DHX33: variants seen among roughly 807,000 people sequenced by gnomAD.
DHX33 encodes ATP-dependent RNA helicase DHX33.
DHX33 carries 42 observed loss-of-function variants against 72.5 expected under a neutral mutation model. The ratio of observed to expected loss-of-function variants is 0.58; its 90% CI spans 0.45 to 0.75. The LOEUF (loss-of-function observed/expected upper bound fraction) is 0.75, where lower values mean the gene tolerates loss of function less well. Ranked by LOEUF, DHX33 falls within the 30% of genes least tolerant of loss-of-function variation. The pLI is 0.00. For missense variants in DHX33, 842 were observed against 917.5 expected, an observed-to-expected ratio of 0.92 and a Z score of 1.06; for synonymous variants, 358 against 366.1, an observed-to-expected ratio of 0.98 and a Z score of 0.25.
At position 5,444,430 on chromosome 17, in the gene DHX33, G is replaced by A. The variant is rs768996211; in HGVS notation, c.1899C>T (p.Ala633=). 4.6e-5 allele frequency: 75 copies of A among 1,614,092 alleles called. No homozygotes were observed. The South Asian group carries it at 7.0e-4, about 15-fold the overall frequency. The part of the protein sequence containing the change: ...CLAHSLFMST[A]ELQPDGTYAT... ...CATAGGTGCCATCTGGCTGAAGCTC[G>A]GCGGTGCTCATGAAGAGGCTGTGAG... The change falls in exon 12 of 12, where the codon GCC becomes GCT. Residue 633 remains alanine (A), a synonymous_variant. Transcript: ENST00000225296. The surrounding 1 kb of genome is among the most constrained non-coding windows in gnomAD (Gnocchi z 4.9).
rs557563074 is a variant in DHX33 at position 5,468,487 on chromosome 17, G to A, written c.289+84C>T. On this transcript the variant is annotated intron_variant, in intron 1 of 11. Transcript: ENST00000225296. ...AGGTTTGTTGAAGCCACGAACGAAA[G>A]GGATTGAGAGGCATGTAAGAAAAAC... The A allele has an allele frequency of 6.4e-5, 95 of 1,474,232 alleles. No individual in the cohort carries two copies. In the African/African-American group the frequency reaches 1.2e-3, roughly 19 times the overall value. The allele number at this position is 1,474,232 out of a possible 1,614,324, so 91.3% of individuals were successfully genotyped here.
chr17:5,459,191 C>T (rs1408796449), intron 4 of DHX33, among the ~76,000 whole-genome samples: 1 of 151,980 alleles, frequency 6.6e-6, no homozygotes, highest in Admixed American at 6.6e-5. Flanking sequence ...AGAATGAGAC[C>T]CCGTCTCTAA....
intron 4 of DHX33, among the ~76,000 whole-genome samples, chr17:5,458,961 G>A (rs1904457024): frequency 6.6e-6 from 1 of 152,136 alleles, no homozygotes; most frequent in Admixed American, 6.5e-5. Flanking sequence ...GCTTTGGGAG[G>A]CTGAGTCGGG....
At chr17:5,467,025 G>A (rs887680517) in intron 1 of DHX33, among the ~76,000 whole-genome samples, 2 of 152,174 alleles carry the variant, frequency 1.3e-5, no homozygotes, top group Non-Finnish European at 2.9e-5. Context: ...GGCCAGGTGC[G>A]GTGGCTCACG....
intron 10 of DHX33, 122 bp from the exon 11 acceptor site, chr17:5,449,017 C>G (rs1916778942): frequency 1.7e-6 from 1 of 589,870 alleles, no homozygotes; most frequent in African/African-American, 1.9e-5. Context: ...TCACTGCAAA[C>G]CAATCCTCCC....
Position 5,444,376 on chromosome 17 carries a change from G to A in DHX33, c.1953C>T (p.Ala651=), listed in dbSNP as rs142896224. ...GGAAGAGGACAGACGACGGGTGGAT[G>A]GCCACTGGCTGGTGGGTGTCCGTGG... The part of the protein sequence containing the change: ...YATTDTHQPV[A]IHPSSVLFHC... The change falls in exon 12 of 12, where the codon GCC becomes GCT. Residue 651 remains alanine (A), a synonymous_variant. Transcript: ENST00000225296. This position sits in a 1 kb window ranked among gnomAD's most constrained non-coding sequence, Gnocchi z 4.9. 4.1e-4 allele frequency: 654 copies of A among 1,614,126 alleles called. No homozygotes were observed. Among genetic ancestry groups the A allele is most frequent in the Non-Finnish European group, 5.4e-4 (633 of 1,180,052 alleles).
Position 5,463,652 on chromosome 17 carries a change from C to A in DHX33, c.327G>T (p.Gln109His). 1 of 1,613,182 alleles carries A rather than the reference C, an allele frequency of 6.2e-7. No individual in the cohort carries two copies. Among genetic ancestry groups the A allele is most frequent in the Non-Finnish European group, 8.5e-7 (1 of 1,179,738 alleles). The change falls in exon 2 of 12, where the codon CAG becomes CAT. Residue 109 changes from glutamine to histidine, a missense_variant. Physicochemically the swap from Gln to His is conservative, Grantham distance 24. Transcript: ENST00000225296. ...TGSGKTTQIP[Q>H]YLYEGGISRQ... ...GGCTGATCCCTCCTTCATACAGGTA[C>A]TGAGGGATCTGAGTTGTCTTCCCAG...
At chr17:5,449,011 T>C in intron 10 of DHX33, 116 bp from the exon 11 acceptor site, 1 of 642,978 alleles carries the variant, frequency 1.6e-6, no homozygotes, top group South Asian at 2.3e-5. Flanking sequence ...CATAGCTCAC[T>C]GCAAACCAAT....
At position 5,461,064 on chromosome 17, in the gene DHX33, A is replaced by G. The variant is rs1394376906; in HGVS notation, c.724T>C (p.Tyr242His). The change falls in exon 4 of 12, where the codon TAT (tyrosine) becomes CAT (histidine). Residue 242 changes from tyrosine (Y) to histidine (H), a missense_variant. Physicochemically the swap from Tyr to His is moderately conservative, Grantham distance 83. Transcript: ENST00000225296. Reference sequence around the variant, plus strand: ...TAGAGGACGGGGGCGCCATTGAAATACTGAGAGAACAGGTCCACATCCATC... The same window carrying G: ...TAGAGGACGGGGGCGCCATTGAAATGCTGAGAGAACAGGTCCACATCCATC... ...ATMDVDLFSQ[Y>H]FNGAPVLYLE... 1.4e-5 allele frequency: 22 copies of G among 1,613,656 alleles called. No homozygotes were observed. The highest frequency in any genetic ancestry group is 1.8e-5 in the Non-Finnish European group (21 of 1,179,870).
At chr17:5,450,036 G>A (rs1005873248) in intron 10 of DHX33, among the ~76,000 whole-genome samples, 167 bp downstream of exon 10, 3 of 152,078 alleles carry the variant, frequency 2.0e-5, no homozygotes, top group African/African-American at 4.8e-5. Flanking sequence ...ACACTGCTTC[G>A]GTACTGAAGC....
intron 1 of DHX33, among the ~76,000 whole-genome samples, chr17:5,464,876 C>T (rs558717632): frequency 6.6e-6 from 1 of 152,300 alleles, no homozygotes; most frequent in South Asian, 2.1e-4. Context: ...CTGCCTGCCT[C>T]GCAAACTCTA....
intron 1 of DHX33, 116 bp downstream of exon 1, chr17:5,468,455 G>T: frequency 7.6e-7 from 1 of 1,320,342 alleles, no homozygotes; most frequent in South Asian, 1.5e-5. Context: ...GCCCAGAAAA[G>T]GTATTCAGGT....
rs992599314 is a variant in DHX33 at position 5,443,486 on chromosome 17, C to T, written c.*719G>A. On this transcript the variant is annotated 3_prime_UTR_variant, in exon 12 of 12. Coordinates refer to ENST00000225296, the MANE Select transcript of DHX33 (RefSeq NM_020162.4). The stretch of plus-strand genomic sequence containing the variant: ...TCCTGAAAGCACTGACAGGGTCACG[C>T]ACTGAGGACCAGGAGGCTCCTTTAC... The T allele has an allele frequency of 1.3e-5, 2 of 152,158 alleles. No individual in the cohort carries two copies. The highest frequency in any genetic ancestry group is 4.8e-5 in the African/African-American group (2 of 41,404). 9.4% of individuals were successfully genotyped at this position (152,158 alleles called of 1,614,324 possible). A position where few individuals can be genotyped will look rare whatever the true frequency, so the allele number is the denominator to read the frequency against.
At chr17:5,463,853 T>TCAA (rs370102976) in intron 1 of DHX33, among the ~76,000 whole-genome samples, 164 bp from the exon 2 acceptor site, 53 of 150,592 alleles carry the variant, frequency 3.5e-4, no homozygotes, top group African/African-American at 1.3e-3. Flanking sequence ...AGACCCCGTC[T>TCAA]CAACAACAAC....
intron 1 of DHX33, among the ~76,000 whole-genome samples, chr17:5,464,868 G>A (rs995140434): frequency 2.6e-5 from 4 of 152,100 alleles, no homozygotes; most frequent in African/African-American, 7.2e-5. Context: ...CCCTCACACT[G>A]CCTGCCTCGC....
rs751619478 is a variant in DHX33, at chr17:5,455,260, T to C, written c.1047A>G (p.Lys349=). The change falls in exon 6 of 12, where the codon AAA becomes AAG. Residue 349 remains lysine, a synonymous_variant. Coordinates refer to ENST00000225296, the MANE Select transcript of DHX33 (RefSeq NM_020162.4). ...CAGCGATGTTGGTTGAAATGATCAC[T>C]TTGCGATAGCCCTAAAAGGAGGAAG... ...VFQGAPKGYR[K]VIISTNIAET... 3.7e-6 allele frequency: 6 copies of C among 1,613,992 alleles called. No individual in the cohort carries two copies. The African/African-American group carries it at 5.3e-5, about 14-fold the overall frequency.
chr17:5,466,940 G>C (rs920426507), intron 1 of DHX33, among the ~76,000 whole-genome samples: 1 of 152,132 alleles, frequency 6.6e-6, no homozygotes, highest in Non-Finnish European at 1.5e-5. Context: ...GTACACTTTC[G>C]GTAAAAAGAT....
rs145046442 is a variant in DHX33, at chr17:5,444,383, G to A, written c.1946C>T (p.Pro649Leu). 741 of 1,614,236 alleles carry A rather than the reference G, an allele frequency of 4.6e-4. 3 individuals are homozygous for A. The African/African-American group carries it at 7.9e-3, about 17-fold the overall frequency. ...GACAGACGACGGGTGGATGGCCACT[G>A]GCTGGTGGGTGTCCGTGGTGGCATA... ...GTYATTDTHQ[P>L]VAIHPSSVLF... Residue 649 changes from proline (P) to leucine (L), a missense_variant, in exon 12 of 12, where the codon CCA becomes CTA. Pro to Leu is a moderately conservative substitution (Grantham distance 98). Coordinates refer to ENST00000225296, the MANE Select transcript of DHX33 (RefSeq NM_020162.4). The surrounding 1 kb of genome is among the most constrained non-coding windows in gnomAD (Gnocchi z 4.9).
chr17:5,451,338 C>T (rs1371376934), intron 8 of DHX33, among the ~76,000 whole-genome samples: 1 of 152,200 alleles, frequency 6.6e-6, no homozygotes, highest in African/African-American at 2.4e-5. Flanking sequence ...CTCTTGACCT[C>T]AGGTGATCTG....
Sources: allele counts gnomAD v4.1 joint callset (sites outside exome capture counted in the v4.1 genomes callset), GRCh38; gene constraint gnomAD v4.1.1; non-coding constraint Gnocchi (gnomAD v3.1); transcripts MANE v1.5; gene names NCBI Gene and HGNC (gene_info 2026-07-23, HGNC 2026-07-21).